Variants in KIF26B observed in about 807,000 individuals in gnomAD.
The protein encoded by KIF26B is kinesin-like protein KIF26B.
A neutral mutation model predicts 151.2 loss-of-function variants in KIF26B; 63 were observed. The ratio of observed to expected loss-of-function variants is 0.42; its 90% CI spans 0.34 to 0.51. KIF26B has a LOEUF of 0.51. KIF26B is among the 20% of genes least tolerant of loss of function. The pLI is 0.07. For synonymous variants in KIF26B, 1,357 were observed against 1,262.1 expected, an observed-to-expected ratio of 1.08 and a Z score of -1.59; for missense variants, 2,813 against 2,913.6, an observed-to-expected ratio of 0.97 and a Z score of 0.79.
intron 5 of KIF26B, among the ~76,000 whole-genome samples, chr1:245,548,614 C>T (rs2103107537): frequency 6.6e-6 from 1 of 152,326 alleles, no homozygotes; most frequent in African/African-American, 2.4e-5. Flanking sequence ...GCAAGAGGCA[C>T]TAACTTGTCA....
At chr1:245,261,277 C>G (rs1157066757) in intron 2 of KIF26B, among the ~76,000 whole-genome samples, 4 of 151,816 alleles carry the variant, frequency 2.6e-5, no homozygotes, top group African/African-American at 9.7e-5. Flanking sequence ...TCCCGAGTAG[C>G]TGGGATTACA....
chr1:245,640,559 T>G (rs565263159), intron 9 of KIF26B, among the ~76,000 whole-genome samples: 1 of 152,112 alleles, frequency 6.6e-6, no homozygotes, highest in Non-Finnish European at 1.5e-5. Context: ...ATTTTATTAC[T>G]TATTTTCTAG....
At chr1:245,250,934 A>G (rs1670432237) in intron 2 of KIF26B, among the ~76,000 whole-genome samples, 1 of 152,242 alleles carries the variant, frequency 6.6e-6, no homozygotes. Flanking sequence ...GACTTATTAC[A>G]GTAAAAAGAT....
rs2044716139 is a variant in KIF26B, at chr1:245,698,006, C to T, written c.5825-100C>T. The T allele has an allele frequency of 9.3e-7, 1 of 1,077,524 alleles. No homozygotes were observed. Among genetic ancestry groups the T allele is most frequent in the Non-Finnish European group, 1.3e-6 (1 of 752,322 alleles). 66.7% of individuals were successfully genotyped at this position (1,077,524 alleles called of 1,614,324 possible). A position where few individuals can be genotyped will look rare whatever the true frequency, so the allele number is the denominator to read the frequency against. ...CAGTGAGCTATGGATCGCACCACTG[C>T]ACTCCAGCCTGGGCAACAGAGCAAG... On this transcript the variant is annotated intron_variant, in intron 12 of 14. Transcript: ENST00000407071. The surrounding 1 kb of genome is among the most constrained non-coding windows in gnomAD (Gnocchi z 4.0).
Position 245,688,047 on chromosome 1 carries a change from GTCC to G in KIF26B, c.5068_5070del (p.Ser1690del), listed in dbSNP as rs2044559651. The G allele has an allele frequency of 1.3e-6, 2 of 1,554,844 alleles. No individual in the cohort carries two copies. The highest frequency in any genetic ancestry group is 2.7e-5 in the African/African-American group (2 of 73,410). On this transcript the variant is annotated inframe_deletion, in exon 12 of 15. Transcript: ENST00000407071. ...TCTCCCTGGAGCGGGCCGAGAGCCT[GTCC>G]TCCGTGAGCTCCCGGCTGCACGCGG...
intron 3 of KIF26B, among the ~76,000 whole-genome samples, chr1:245,391,873 C>T (rs6428915): frequency 0.23 from 35,282 of 151,718 alleles, 6,348 homozygotes; most frequent in African/African-American, 0.5. Flanking sequence ...AGTGTATTTA[C>T]GGTTGCTCTT....
At chr1:245,624,442 A>G (rs1222775396) in intron 9 of KIF26B, among the ~76,000 whole-genome samples, 2 of 152,106 alleles carry the variant, frequency 1.3e-5, no homozygotes, top group Non-Finnish European at 2.9e-5. Flanking sequence ...TCAGTCTTTT[A>G]AGTTTTGCCT....
intron 2 of KIF26B, among the ~76,000 whole-genome samples, chr1:245,259,314 T>C (rs1444455164): frequency 1.3e-5 from 2 of 152,176 alleles, no homozygotes; most frequent in East Asian, 1.9e-4. Flanking sequence ...TGATATCCAA[T>C]GTCTTATCTC....
chr1:245,558,024 A>G (rs906473364), intron 5 of KIF26B, among the ~76,000 whole-genome samples: 6 of 152,192 alleles, frequency 3.9e-5, no homozygotes, highest in Non-Finnish European at 2.9e-5. Flanking sequence ...CTGGAGCAGT[A>G]TGGAACGGAT....
intron 4 of KIF26B, among the ~76,000 whole-genome samples, chr1:245,435,390 T>C (rs1658893007): frequency 6.6e-6 from 1 of 152,262 alleles, no homozygotes; most frequent in South Asian, 2.1e-4. Context: ...TCCCGGTGTC[T>C]TCAGGTTGTT....
chr1:245,689,801 G>A (rs555829012), intron 12 of KIF26B, among the ~76,000 whole-genome samples: 13 of 152,124 alleles, frequency 8.5e-5, no homozygotes, highest in Admixed American at 5.9e-4. Flanking sequence ...CAAGTGATCC[G>A]CCCGTCTCAG....
chr1:245,436,828 G>A (rs1658946008), intron 4 of KIF26B, among the ~76,000 whole-genome samples: 1 of 151,288 alleles, frequency 6.6e-6, no homozygotes, highest in Non-Finnish European at 1.5e-5. Context: ...TTTATCAAGT[G>A]CATATTGAGA....
chr1:245,412,343 G>A (rs1016017244), intron 3 of KIF26B, among the ~76,000 whole-genome samples: 2 of 152,180 alleles, frequency 1.3e-5, no homozygotes, highest in African/African-American at 4.8e-5. Context: ...AGGAGGGGGA[G>A]CCTGTCATTA....
intron 5 of KIF26B, among the ~76,000 whole-genome samples, chr1:245,571,012 C>A (rs779150049): frequency 3.4e-4 from 52 of 152,186 alleles, no homozygotes; most frequent in Non-Finnish European, 3.8e-4. Context: ...ATAATAGTAT[C>A]TGCTTTCTAA....
intron 4 of KIF26B, among the ~76,000 whole-genome samples, chr1:245,487,935 C>A (rs1660318061): frequency 6.6e-6 from 1 of 152,064 alleles, no homozygotes; most frequent in Admixed American, 6.5e-5. Context: ...ATTATAGGCG[C>A]CTGCCACCAT....
At chr1:245,184,050 GTTTTTTTTTT>G (rs758993117) in intron 2 of KIF26B, among the ~76,000 whole-genome samples, 2 of 19,804 alleles carry the variant, frequency 1.0e-4, no homozygotes, top group Non-Finnish European at 2.0e-4. Context: ...GGGAGTTGTT[GTTTTTTTTTT>G]TTTTTTTTTG....
In KIF26B at chr1:245,650,479, G is replaced by A. The variant is rs148686612; in HGVS notation, c.2258+4199G>A. Among the ~76,000 whole-genome samples the A allele has an allele frequency of 2.3e-3, 353 of 152,358 alleles. 2 individuals carry two copies. Among genetic ancestry groups the A allele is most frequent in the Middle Eastern group, 0.01 (3 of 294 alleles). On this transcript the variant is annotated intron_variant, in intron 10 of 14. Transcript: ENST00000407071. The stretch of plus-strand genomic sequence containing the variant: ...ACGGGTGTTATGTCCCAGCTCATCT[G>A]AAGGACCACAGCTTTTCGAGACTCA...
intron 10 of KIF26B, among the ~76,000 whole-genome samples, chr1:245,676,864 C>T (rs1344961381): frequency 7.2e-5 from 11 of 152,150 alleles, no homozygotes; most frequent in Admixed American, 7.2e-4. Context: ...AATCGCAGGC[C>T]CCACGGGGAA....
Position 245,458,672 on chromosome 1 carries a change from A to T in KIF26B, c.1166+38927A>T, listed in dbSNP as rs193164773. Among the ~76,000 whole-genome samples, 8 of 152,328 alleles carry T rather than the reference A, an allele frequency of 5.3e-5. No homozygotes were observed. The East Asian group carries it at 1.5e-3, about 29-fold the overall frequency. ...TGTAATCTTGTACATGTACATGTTA[A>T]TTGCAGCACTTTAATCCCCATTCTA... On this transcript the variant is annotated intron_variant, in intron 4 of 14. Transcript: ENST00000407071.
Sources: allele counts gnomAD v4.1 joint callset (sites outside exome capture counted in the v4.1 genomes callset), GRCh38; gene constraint gnomAD v4.1.1; non-coding constraint Gnocchi (gnomAD v3.1); transcripts MANE v1.5; gene names NCBI Gene and HGNC (gene_info 2026-07-23, HGNC 2026-07-21).